Variants in GABRR2 observed in about 807,000 individuals in gnomAD.
GABRR2 encodes gamma-aminobutyric acid receptor subunit rho-2.
Under a neutral mutation model 47.0 loss-of-function variants are expected in GABRR2, and 36 were observed. That is an observed-to-expected ratio of 0.77 (90% CI 0.59 to 1.01). The LOEUF (loss-of-function observed/expected upper bound fraction) is 1.01, where lower values mean the gene tolerates loss of function less well. Ranked by LOEUF, GABRR2 falls within the 50% of genes least tolerant of loss-of-function variation. GABRR2 has a pLI of 0.00. For synonymous variants in GABRR2, 204 were observed against 227.5 expected, an observed-to-expected ratio of 0.90 and a Z score of 0.93; for missense variants, 587 against 594.6, an observed-to-expected ratio of 0.99 and a Z score of 0.13.
At chr6:89,293,730 T>C (rs1316045819) in intron 2 of GABRR2, among the ~76,000 whole-genome samples, 1 of 152,220 alleles carries the variant, frequency 6.6e-6, no homozygotes, top group African/African-American at 2.4e-5. Flanking sequence ...GAGGCTGCAG[T>C]AAGCTCTGAT....
intron 2 of GABRR2, among the ~76,000 whole-genome samples, chr6:89,291,169 G>A (rs557888874): frequency 3.3e-5 from 5 of 152,076 alleles, no homozygotes; most frequent in Non-Finnish European, 7.4e-5. Context: ...CCAAGACCTG[G>A]CTCTCTTCCC....
chr6:89,285,499 G>A (rs1225739881), intron 2 of GABRR2, among the ~76,000 whole-genome samples: 1 of 152,118 alleles, frequency 6.6e-6, no homozygotes, highest in African/African-American at 2.4e-5. Flanking sequence ...AGTGGGTGAG[G>A]CTGCACTCGA....
chr6:89,299,971 T>C (rs1774638528), intron 1 of GABRR2, 106 bp from the exon 2 acceptor site: 1 of 719,698 alleles, frequency 1.4e-6, no homozygotes, highest in African/African-American at 1.8e-5. Context: ...GTACCTTTTC[T>C]CCATTCTACT....
chr6:89,268,942 G>A, intron 4 of GABRR2, 69 bp downstream of exon 4: 1 of 1,415,824 alleles, frequency 7.1e-7, no homozygotes, highest in East Asian at 2.3e-5. Flanking sequence ...CAGTCTTCAG[G>A]GCCAAAGGGC....
intron 2 of GABRR2, among the ~76,000 whole-genome samples, chr6:89,288,245 G>C (rs1356077525): frequency 6.6e-6 from 1 of 151,622 alleles, no homozygotes; most frequent in East Asian, 1.9e-4. Context: ...GACCAATGGG[G>C]AAAAGCATCT....
chr6:89,301,920 G>C (rs1767448794), intron 1 of GABRR2: 2 of 1,029,518 alleles, frequency 1.9e-6, no homozygotes, highest in Admixed American at 3.4e-5. Context: ...AGCTGGAGCA[G>C]ATCAGCATCT....
rs145656368 is a variant in GABRR2 at position 89,312,375 on chromosome 6, G to A, written c.113+2678C>T. 9.5e-3 allele frequency among the ~76,000 whole-genome samples: 1,446 copies of A among 152,322 alleles called. 10 individuals are homozygous for A. Among genetic ancestry groups the A allele is most frequent in the Admixed American group, 0.014 (207 of 15,306 alleles). On this transcript the variant is annotated intron_variant, in intron 1 of 8. Coordinates refer to ENST00000402938, the MANE Select transcript of GABRR2 (RefSeq NM_002043.5). ...GTCTTTGTAAAAGCAGCTGCTGGGC[G>A]GAATCATTGTTCTGTGTGCATGCCT...
At chr6:89,274,590 G>A (rs1774120619) in intron 2 of GABRR2, among the ~76,000 whole-genome samples, 1 of 152,088 alleles carries the variant, frequency 6.6e-6, no homozygotes, top group Non-Finnish European at 1.5e-5. Flanking sequence ...GGCTGGGCTG[G>A]GTGAAGTGGC....
intron 1 of GABRR2, among the ~76,000 whole-genome samples, chr6:89,310,147 T>A (rs1282624425): frequency 6.6e-6 from 1 of 152,050 alleles, no homozygotes; most frequent in Non-Finnish European, 1.5e-5. Flanking sequence ...ATAGTTTCAT[T>A]GCCCTAAAAA....
chr6:89,293,380 G>A (rs116601176), intron 2 of GABRR2, among the ~76,000 whole-genome samples: 423 of 152,222 alleles, frequency 2.8e-3, no homozygotes, highest in African/African-American at 9.9e-3. Context: ...GGATGGTGGC[G>A]ATAGTTGTGT....
intron 1 of GABRR2, among the ~76,000 whole-genome samples, chr6:89,312,423 G>A (rs1767696647): frequency 6.6e-6 from 1 of 152,196 alleles, no homozygotes; most frequent in Admixed American, 6.5e-5. Context: ...GGCAGGGAAG[G>A]CTTCCAGGTT....
chr6:89,269,961 G>A (rs1195525833), intron 3 of GABRR2, among the ~76,000 whole-genome samples: 1 of 152,174 alleles, frequency 6.6e-6, no homozygotes, highest in Non-Finnish European at 1.5e-5. Flanking sequence ...AAAAATAACT[G>A]CCCAAAAGAT....
intron 2 of GABRR2, among the ~76,000 whole-genome samples, chr6:89,284,990 TC>T (rs1286432139): frequency 1.3e-5 from 2 of 152,208 alleles, no homozygotes; most frequent in African/African-American, 4.8e-5. Context: ...CACAGCCGAC[TC>T]CCCAGGCACA....
intron 1 of GABRR2, among the ~76,000 whole-genome samples, chr6:89,311,168 C>T (rs527387207): frequency 1.7e-4 from 26 of 152,308 alleles, no homozygotes; most frequent in Admixed American, 5.2e-4. Flanking sequence ...CCATGAAAGA[C>T]GCCTCCGGAA....
intron 2 of GABRR2, among the ~76,000 whole-genome samples, chr6:89,299,155 C>A (rs1774605548): frequency 6.6e-6 from 1 of 152,176 alleles, no homozygotes; most frequent in Non-Finnish European, 1.5e-5. Context: ...CCATGCCTCC[C>A]CTCCCTGACC....
At chr6:89,261,178 AT>A (rs1266006023) in intron 8 of GABRR2, among the ~76,000 whole-genome samples, 3 of 152,160 alleles carry the variant, frequency 2.0e-5, no homozygotes, top group African/African-American at 7.2e-5. Flanking sequence ...AGGCTTTGCT[AT>A]TTTTTTCAAC....
intron 2 of GABRR2, among the ~76,000 whole-genome samples, chr6:89,283,425 C>T (rs1306026101): frequency 2.6e-5 from 4 of 151,928 alleles, no homozygotes; most frequent in Non-Finnish European, 5.9e-5. Flanking sequence ...TATGATAGAT[C>T]CATACAGTGG....
intron 1 of GABRR2, among the ~76,000 whole-genome samples, chr6:89,300,582 C>T (rs963909071): frequency 1.3e-5 from 2 of 151,944 alleles, no homozygotes; most frequent in African/African-American, 4.8e-5. Flanking sequence ...CTACCATGAA[C>T]AACTCTGTGT....
Position 89,307,211 on chromosome 6 carries a change from C to T in GABRR2, c.114-7346G>A, listed in dbSNP as rs1458624995. On this transcript the variant is annotated intron_variant, in intron 1 of 8. Coordinates refer to ENST00000402938, the MANE Select transcript of GABRR2 (RefSeq NM_002043.5). ...CAAGTGGCTTTTAAAAACCCTGATG[C>T]CCAGGCTGTACCCCAGAACAACCAA... 6.6e-5 allele frequency among the ~76,000 whole-genome samples: 10 copies of T among 152,294 alleles called. No homozygotes were observed. The South Asian group carries it at 1.7e-3, about 25-fold the overall frequency.
Sources: gnomAD v4.1 joint callset for allele counts (sites outside exome capture counted in the v4.1 genomes callset) on GRCh38, gnomAD v4.1.1 for gene constraint, MANE v1.5 for transcripts, NCBI Gene and HGNC (gene_info 2026-07-23, HGNC 2026-07-21) for gene names.